Variants in THRB observed in about 807,000 individuals in gnomAD.
THRB encodes the protein nuclear receptor subfamily 1 group A member 2.
In THRB, 12 loss-of-function variants were observed where a neutral mutation model predicts 47.8. The observed-to-expected ratio is 0.25, with a 90% CI of 0.16 to 0.41. The LOEUF is 0.41. Among genes scored for constraint, THRB ranks in the 10% least tolerant of loss-of-function variants. The pLI is 1.00. For missense variants in THRB, 348 were observed against 589.2 expected, an observed-to-expected ratio of 0.59 and a Z score of 4.24; for synonymous variants, 218 against 212.2, an observed-to-expected ratio of 1.03 and a Z score of -0.24.
rs565233451 is a variant in THRB, at chr3:24,158,556, G to A, written c.284-6066C>T. Among the ~76,000 whole-genome samples, 4 of 152,096 alleles carry A rather than the reference G, an allele frequency of 2.6e-5. No homozygotes were observed. The East Asian group carries it at 7.8e-4, about 29-fold the overall frequency. ...TGATTCTCCTGCCTCAGCCTCCTGA[G>A]TCACTGGGATTACAGGTGCCTGCCA... On this transcript the variant is annotated intron_variant, in intron 5 of 10. Transcript: ENST00000646209.
At chr3:24,284,377 T>C (rs1432387365) in intron 3 of THRB, among the ~76,000 whole-genome samples, 1 of 150,420 alleles carries the variant, frequency 6.6e-6, no homozygotes, top group African/African-American at 2.4e-5. Context: ...TGGCTAGCCA[T>C]ATGTAGAAAG....
intron 1 of THRB, among the ~76,000 whole-genome samples, chr3:24,456,559 G>T (rs1467637496): frequency 6.7e-6 from 1 of 150,266 alleles, no homozygotes; most frequent in Non-Finnish European, 1.5e-5. Flanking sequence ...TCTTATACAA[G>T]GTAAGTATTA....
At chr3:24,301,524 T>C (rs974369105) in intron 2 of THRB, among the ~76,000 whole-genome samples, 4 of 151,980 alleles carry the variant, frequency 2.6e-5, no homozygotes, top group Admixed American at 2.6e-4. Context: ...TTGTTTATGA[T>C]ATGTTTGGTC....
chr3:24,442,728 G>A (rs1163454116), intron 1 of THRB, among the ~76,000 whole-genome samples: 4 of 152,104 alleles, frequency 2.6e-5, no homozygotes, highest in Middle Eastern at 3.4e-3. Flanking sequence ...GGAGGCTGAC[G>A]CAGGAGAATT....
chr3:24,225,522 T>G (rs926880136), intron 4 of THRB, among the ~76,000 whole-genome samples: 2 of 152,194 alleles, frequency 1.3e-5, no homozygotes, highest in Admixed American at 6.5e-5. Context: ...TTATGCCATA[T>G]CCTAATATCA....
At chr3:24,279,510 G>A (rs368549537) in intron 3 of THRB, among the ~76,000 whole-genome samples, 3 of 151,496 alleles carry the variant, frequency 2.0e-5, no homozygotes, top group South Asian at 4.2e-4. Context: ...TCAGCCTCCC[G>A]AGTAGCTGGG....
chr3:24,363,079 C>G (rs2064190867), intron 1 of THRB, among the ~76,000 whole-genome samples: 1 of 152,034 alleles, frequency 6.6e-6, no homozygotes, highest in South Asian at 2.1e-4. Context: ...GCAGTTGATA[C>G]CATTTTTTGG....
intron 8 of THRB, among the ~76,000 whole-genome samples, chr3:24,140,717 T>C (rs1224123675): frequency 1.3e-5 from 2 of 152,150 alleles, no homozygotes; most frequent in African/African-American, 2.4e-5. Flanking sequence ...AAATGCACTG[T>C]TTAAAGGCAT....
intron 6 of THRB, among the ~76,000 whole-genome samples, chr3:24,151,332 T>A (rs2036904187): frequency 6.6e-6 from 1 of 152,126 alleles, no homozygotes; most frequent in Admixed American, 6.6e-5. Context: ...ACATGTTGAT[T>A]TGGGGGCTTT....
chr3:24,200,169 C>T (rs2044424546), intron 4 of THRB, among the ~76,000 whole-genome samples: 1 of 152,138 alleles, frequency 6.6e-6, no homozygotes, highest in African/African-American at 2.4e-5. Context: ...TAAAAGGGAA[C>T]AGATGTTTAC....
intron 1 of THRB, among the ~76,000 whole-genome samples, chr3:24,410,582 A>T (rs966803456): frequency 6.6e-6 from 1 of 151,770 alleles, no homozygotes; most frequent in African/African-American, 2.4e-5. Flanking sequence ...ACACTTATAC[A>T]AGTCTTCCCA....
At chr3:24,240,293 G>C (rs2049352965) in intron 3 of THRB, among the ~76,000 whole-genome samples, 1 of 152,164 alleles carries the variant, frequency 6.6e-6, no homozygotes, top group African/African-American at 2.4e-5. Flanking sequence ...GTCTTAGCAG[G>C]ATTTAAGGCA....
intron 3 of THRB, among the ~76,000 whole-genome samples, chr3:24,268,804 T>C (rs1274733114): frequency 6.6e-6 from 1 of 152,194 alleles, no homozygotes; most frequent in Non-Finnish European, 1.5e-5. Flanking sequence ...CATTTTATGT[T>C]ATATTTAAAT....
chr3:24,258,136 T>C (rs1433037127), intron 3 of THRB, among the ~76,000 whole-genome samples: 1 of 152,192 alleles, frequency 6.6e-6, no homozygotes, highest in Non-Finnish European at 1.5e-5. Context: ...AAAGGAAGCA[T>C]GCCAAGAGGC....
At chr3:24,270,639 C>G (rs1244177825) in intron 3 of THRB, among the ~76,000 whole-genome samples, 2 of 152,256 alleles carry the variant, frequency 1.3e-5, no homozygotes, top group East Asian at 3.9e-4. Flanking sequence ...TAACGGGGGT[C>G]AGTTCATCAG....
intron 1 of THRB, among the ~76,000 whole-genome samples, chr3:24,431,968 T>C (rs530526022): frequency 1.3e-5 from 2 of 152,208 alleles, no homozygotes; most frequent in Admixed American, 6.6e-5. Flanking sequence ...TAGGAAGATA[T>C]ACGCACATAT....
chr3:24,451,681 C>A (rs2072671820), intron 1 of THRB, among the ~76,000 whole-genome samples: 1 of 152,208 alleles, frequency 6.6e-6, no homozygotes, highest in Non-Finnish European at 1.5e-5. Context: ...TAGCTCCCCA[C>A]TCTGAATGGA....
At chr3:24,412,739 C>T (rs1167472686) in intron 1 of THRB, among the ~76,000 whole-genome samples, 2 of 151,674 alleles carry the variant, frequency 1.3e-5, no homozygotes, top group African/African-American at 4.8e-5. Flanking sequence ...AAGAGCAAAC[C>T]ACCAACTCAG....
intron 2 of THRB, among the ~76,000 whole-genome samples, chr3:24,324,761 A>ACCTT (rs2058702261): frequency 6.6e-6 from 1 of 152,226 alleles, no homozygotes; most frequent in African/African-American, 2.4e-5. Flanking sequence ...TGAGAACACT[A>ACCTT]AAGGTCCATG....
Sources: gnomAD v4.1 joint callset for allele counts (sites outside exome capture counted in the v4.1 genomes callset) on GRCh38, gnomAD v4.1.1 for gene constraint, MANE v1.5 for transcripts, NCBI Gene and HGNC (gene_info 2026-07-23, HGNC 2026-07-21) for gene names.